ZFHX3: variants seen among roughly 807,000 people sequenced by gnomAD.
ZFHX3 encodes zinc finger homeobox protein 3.
In ZFHX3, 42 loss-of-function variants were observed where a neutral mutation model predicts 279.1. The observed-to-expected ratio is 0.15, with a 90% CI of 0.12 to 0.19. ZFHX3 has a LOEUF of 0.19. Among genes scored for constraint, ZFHX3 ranks in the 10% least tolerant of loss-of-function variants. The probability of loss-of-function intolerance (pLI) is 1.00; values close to 1 mark genes in which losing one functional copy is unlikely to be tolerated. For missense variants in ZFHX3, 4,981 were observed against 4,754.0 expected, an observed-to-expected ratio of 1.05 and a Z score of -1.40; for synonymous variants, 2,293 against 1,957.8, an observed-to-expected ratio of 1.17 and a Z score of -4.52.
chr16:73,111,413 C>T (rs372529262), intron 7 of ZFHX3, among the ~76,000 whole-genome samples: 2 of 152,176 alleles, frequency 1.3e-5, no homozygotes, highest in South Asian at 2.1e-4. Flanking sequence ...GAATCAAATA[C>T]AGTTACACAG....
At chr16:73,438,369 G>C (rs1266948526) in intron 3 of ZFHX3, among the ~76,000 whole-genome samples, 1 of 152,192 alleles carries the variant, frequency 6.6e-6, no homozygotes, top group Admixed American at 6.5e-5. Context: ...ACTGGGATAA[G>C]TCCTTCAATC....
chr16:73,125,545 C>T (rs1173874181), intron 7 of ZFHX3, among the ~76,000 whole-genome samples: 1 of 151,996 alleles, frequency 6.6e-6, no homozygotes, highest in Non-Finnish European at 1.5e-5. Flanking sequence ...GGGTGGGCAC[C>T]ATCTAATCAG....
chr16:73,339,519 A>G (rs570358126), intron 3 of ZFHX3, among the ~76,000 whole-genome samples: 1 of 152,230 alleles, frequency 6.6e-6, no homozygotes, highest in Non-Finnish European at 1.5e-5. Flanking sequence ...AAATAGGTGT[A>G]TAAAGTCTAT....
At chr16:73,081,555 G>C (rs1258108847) in intron 8 of ZFHX3, 1 of 152,078 alleles carries the variant, frequency 6.6e-6, no homozygotes, top group Admixed American at 6.5e-5. Context: ...CACTGTGCCC[G>C]GCCCAAATTG....
intron 2 of ZFHX3, among the ~76,000 whole-genome samples, chr16:73,463,277 T>C (rs1236294838): frequency 6.6e-6 from 1 of 152,206 alleles, no homozygotes; most frequent in Non-Finnish European, 1.5e-5. Flanking sequence ...GAAAGTGATA[T>C]TGTCCCCTCA....
At chr16:73,242,491 T>C (rs1022187424) in intron 5 of ZFHX3, among the ~76,000 whole-genome samples, 1 of 152,228 alleles carries the variant, frequency 6.6e-6, no homozygotes, top group Admixed American at 6.5e-5. Context: ...TTCGTGTCTC[T>C]TGACTATACA....
At chr16:73,605,452 C>G (rs1007219890) in intron 2 of ZFHX3, among the ~76,000 whole-genome samples, 2 of 152,208 alleles carry the variant, frequency 1.3e-5, no homozygotes, top group African/African-American at 4.8e-5. Context: ...ATTTCCACCA[C>G]ATCCCCATTT....
In ZFHX3 at chr16:72,794,869, AAGG is replaced by A. The variant is rs1383573529; in HGVS notation, c.7810_7812del (p.Pro2604del). 1.2e-6 allele frequency: 2 copies of A among 1,613,776 alleles called. No individual in the cohort carries two copies. The highest frequency in any genetic ancestry group is 1.1e-5 in the South Asian group (1 of 91,046). On this transcript the variant is annotated inframe_deletion, in exon 9 of 10. Coordinates refer to ENST00000268489, the MANE Select transcript of ZFHX3 (RefSeq NM_006885.4). The surrounding 1 kb of genome is among the most constrained non-coding windows in gnomAD (Gnocchi z 4.2). ...GTGTTCATTGTGGAGGTTGGAGTTG[AAGG>A]AGAAGTGGCTGAGCTTGCTGGAATC...
intron 3 of ZFHX3, among the ~76,000 whole-genome samples, chr16:72,949,122 G>A (rs1304094830): frequency 6.6e-6 from 1 of 152,182 alleles, no homozygotes; most frequent in South Asian, 2.1e-4. Context: ...CCCACATCCT[G>A]AGAAGGAACA....
At chr16:73,572,672 G>T (rs2051754432) in intron 2 of ZFHX3, among the ~76,000 whole-genome samples, 1 of 152,156 alleles carries the variant, frequency 6.6e-6, no homozygotes. Context: ...CAAACCAGAA[G>T]CTCGCACCAC....
chr16:72,908,866 G>T (rs968298127), intron 3 of ZFHX3, among the ~76,000 whole-genome samples: 7 of 152,292 alleles, frequency 4.6e-5, no homozygotes, highest in African/African-American at 1.7e-4. Flanking sequence ...TTAACATTTA[G>T]AATAATACCC....
intron 1 of ZFHX3, among the ~76,000 whole-genome samples, chr16:73,736,933 C>A (rs973197207): frequency 3.9e-5 from 6 of 152,318 alleles, no homozygotes; most frequent in Non-Finnish European, 7.4e-5. Flanking sequence ...GTCAGATTCC[C>A]AAAGCACAGA....
intron 1 of ZFHX3, among the ~76,000 whole-genome samples, chr16:73,888,323 A>G (rs997859854): frequency 6.6e-6 from 1 of 152,082 alleles, no homozygotes; most frequent in South Asian, 2.1e-4. Context: ...CGGAAACATA[A>G]TTTTTATTTT....
chr16:73,372,767 C>T (rs2016654083), intron 3 of ZFHX3, among the ~76,000 whole-genome samples: 1 of 152,188 alleles, frequency 6.6e-6, no homozygotes, highest in Non-Finnish European at 1.5e-5. Flanking sequence ...ACATGAATCA[C>T]AGTCCTGGGG....
intron 5 of ZFHX3, among the ~76,000 whole-genome samples, chr16:73,155,709 G>A (rs1246397180): frequency 6.6e-6 from 1 of 152,086 alleles, no homozygotes; most frequent in Non-Finnish European, 1.5e-5. Context: ...TGTAACCCCA[G>A]CTACTCGGGA....
At chr16:73,573,068 T>G in intron 2 of ZFHX3, among the ~76,000 whole-genome samples, 1 of 152,232 alleles carries the variant, frequency 6.6e-6, no homozygotes, top group Admixed American at 6.5e-5. Flanking sequence ...AGCTCCATTA[T>G]TGTATATTCA....
chr16:73,853,562 G>A (rs1215724365), intron 1 of ZFHX3, among the ~76,000 whole-genome samples: 1 of 152,088 alleles, frequency 6.6e-6, no homozygotes, highest in Non-Finnish European at 1.5e-5. Flanking sequence ...ATCATCCTAA[G>A]CAAACTAACT....
intron 2 of ZFHX3, among the ~76,000 whole-genome samples, chr16:73,533,409 T>G (rs2019842006): frequency 6.7e-6 from 1 of 149,750 alleles, no homozygotes; most frequent in Non-Finnish European, 1.5e-5. Flanking sequence ...ATCCTATTCG[T>G]GCCAACAGAA....
At chr16:73,444,709 G>A (rs1238666126) in intron 3 of ZFHX3, among the ~76,000 whole-genome samples, 1 of 152,194 alleles carries the variant, frequency 6.6e-6, no homozygotes, top group Non-Finnish European at 1.5e-5. Flanking sequence ...AGCAACTGAT[G>A]GGGATGCAAC....
Sources: gnomAD v4.1 joint callset for allele counts (sites outside exome capture counted in the v4.1 genomes callset) on GRCh38, gnomAD v4.1.1 for gene constraint, Gnocchi (gnomAD v3.1) non-coding constraint, MANE v1.5 for transcripts, NCBI Gene and HGNC (gene_info 2026-07-23, HGNC 2026-07-21) for gene names.